The following CCDC88A variants were observed in gnomAD, a reference collection of about 807,000 sequenced individuals.
CCDC88A encodes the protein girdin.
A neutral mutation model predicts 234.3 loss-of-function variants in CCDC88A; 54 were observed. The ratio of observed to expected loss-of-function variants is 0.23; its 90% CI spans 0.19 to 0.29. CCDC88A has a LOEUF of 0.29. Ranked by LOEUF, CCDC88A falls within the 10% of genes least tolerant of loss-of-function variation. The pLI is 1.00. For missense variants in CCDC88A, 1,832 were observed against 2,123.4 expected (o/e 0.86, Z 2.70); for synonymous variants, 753 against 737.8 (o/e 1.02, Z -0.33).
At position 55,295,950 on chromosome 2, in the gene CCDC88A, C is replaced by T; in HGVS notation, c.5198G>A (p.Arg1733Lys). The T allele has an allele frequency of 1.9e-6, 3 of 1,614,054 alleles. No homozygotes were observed. Among genetic ancestry groups the T allele is most frequent in the Non-Finnish European group, 2.5e-6 (3 of 1,179,980 alleles). Reference sequence around the variant, plus strand: ...CCCTGGGGTTTTTCCACTTACTGACCTGGCCAGACCACAGCTAACTGGTTT... The same window carrying T: ...CCCTGGGGTTTTTCCACTTACTGACTTGGCCAGACCACAGCTAACTGGTTT... ...KDKPVSCGLARSVSGKTPGDF... is the reference protein window; with the variant it reads ...KDKPVSCGLAKSVSGKTPGDF... Residue 1733 changes from arginine (R) to lysine (K), a missense_variant, in exon 31 of 33, where the codon AGG becomes AAG. Arg to Lys is a conservative substitution (Grantham distance 26). Coordinates refer to ENST00000436346, the MANE Select transcript of CCDC88A (RefSeq NM_001365480.1).
At chr2:55,330,561 T>C (rs943044112) in intron 16 of CCDC88A, among the ~76,000 whole-genome samples, 2 of 152,146 alleles carry the variant, frequency 1.3e-5, no homozygotes, top group Non-Finnish European at 2.9e-5. Flanking sequence ...GTGGAGGGAA[T>C]GGCACATTAA....
intron 11 of CCDC88A, 93 bp downstream of exon 11, chr2:55,344,275 G>C (rs1668841322): frequency 1.3e-6 from 1 of 799,218 alleles, no homozygotes; most frequent in African/African-American, 1.8e-5. Flanking sequence ...AAGCCTCAAG[G>C]ACACTAGCCA....
rs77124524 is a variant in CCDC88A, at chr2:55,332,835, T to C, written c.2728-142A>G. On this transcript the variant is annotated intron_variant, in intron 15 of 32. Coordinates refer to ENST00000436346, the MANE Select transcript of CCDC88A (RefSeq NM_001365480.1). The surrounding 1 kb of genome is among the most constrained non-coding windows in gnomAD (Gnocchi z 4.5). ...TGTCATTAAACCATTCCTTCATTAT[T>C]AAAATGTAGTTAAAGTTATAACCTA... 32,570 of 734,034 alleles carry C rather than the reference T, an allele frequency of 0.044. 946 individuals carry two copies. Among genetic ancestry groups the C allele is most frequent in the South Asian group, 0.053 (2,518 of 47,634 alleles). 45.5% of individuals were successfully genotyped at this position (734,034 alleles called of 1,614,324 possible).
intron 29 of CCDC88A, among the ~76,000 whole-genome samples, chr2:55,297,438 TCTCA>T (rs1680328495): frequency 8.2e-6 from 1 of 121,944 alleles, no homozygotes; most frequent in Admixed American, 9.9e-5. Context: ...TGAGATGGGG[TCTCA>T]CTGTGTCACC....
intron 3 of CCDC88A, among the ~76,000 whole-genome samples, chr2:55,387,522 C>T (rs866320527): frequency 4.0e-5 from 6 of 151,850 alleles, no homozygotes; most frequent in Non-Finnish European, 8.8e-5. Context: ...GGGCTCATGC[C>T]TGTAATCCCA....
chr2:55,374,942 C>G (rs1673397402), intron 3 of CCDC88A, 59 bp from the exon 4 acceptor site: 1 of 983,352 alleles, frequency 1.0e-6, no homozygotes, highest in Admixed American at 1.8e-5. Flanking sequence ...AATTATTCAT[C>G]AAGCTATAAC....
At chr2:55,301,318 A>T in intron 27 of CCDC88A, 41 bp from the exon 28 acceptor site, 1 of 1,057,850 alleles carries the variant, frequency 9.5e-7, no homozygotes, top group Middle Eastern at 2.9e-4. Flanking sequence ...TATTTTTGTA[A>T]TAAAAAACCA....
At chr2:55,301,483 C>A (rs1680895410) in intron 27 of CCDC88A, 2 of 519,628 alleles carry the variant, frequency 3.8e-6, no homozygotes, top group Non-Finnish European at 6.7e-6. Flanking sequence ...AGGGAAAACA[C>A]CAAAAGCAAT....
At chr2:55,314,919 A>T (rs1447677554) in intron 22 of CCDC88A, 1 of 152,144 alleles carries the variant, frequency 6.6e-6, no homozygotes, top group African/African-American at 2.4e-5. Context: ...AAATCATGTC[A>T]TTATATGACT....
At chr2:55,399,020 T>A (rs193081872) in intron 2 of CCDC88A, among the ~76,000 whole-genome samples, 1 of 152,280 alleles carries the variant, frequency 6.6e-6, no homozygotes, top group East Asian at 1.9e-4. Flanking sequence ...TATATAGTTA[T>A]AATAATGTAA....
intron 29 of CCDC88A, among the ~76,000 whole-genome samples, chr2:55,299,123 G>C (rs966374958): frequency 2.0e-5 from 3 of 150,514 alleles, no homozygotes; most frequent in African/African-American, 7.5e-5. Flanking sequence ...AGAATGGCTT[G>C]AACCTGGGAG....
chr2:55,375,469 C>CTATATATATATATA (rs869279076), intron 3 of CCDC88A, among the ~76,000 whole-genome samples: 9 of 26,588 alleles, frequency 3.4e-4, no homozygotes, highest in Admixed American at 6.8e-4. Context: ...TGTCACTGTA[C>CTATATATATATATA]TATATATATA....
intron 5 of CCDC88A, among the ~76,000 whole-genome samples, chr2:55,365,142 A>G (rs957407286): frequency 1.3e-5 from 2 of 152,194 alleles, no homozygotes; most frequent in Non-Finnish European, 2.9e-5. Flanking sequence ...AGGATAATAA[A>G]ATGGTTAAAA....
At chr2:55,306,531 C>A (rs1253839153) in intron 25 of CCDC88A, among the ~76,000 whole-genome samples, 2 of 151,994 alleles carry the variant, frequency 1.3e-5, no homozygotes, top group African/African-American at 4.8e-5. Context: ...ACGTTGCTTA[C>A]CTATGGATTC....
At chr2:55,292,108 GGAAT>G (rs2104537687) in intron 31 of CCDC88A, 1 of 179,528 alleles carries the variant, frequency 5.6e-6, no homozygotes, top group African/African-American at 2.4e-5. Flanking sequence ...AAAACCATCT[GGAAT>G]GAAGTATTTG....
In CCDC88A at chr2:55,356,090, A is replaced by G. The variant is rs948211244; in HGVS notation, c.628-339T>C. The G allele has an allele frequency of 1.9e-5, 3 of 160,936 alleles. No homozygotes were observed. In the South Asian group the frequency reaches 5.5e-4, roughly 30 times the overall value. 10.0% of individuals were successfully genotyped at this position (160,936 alleles called of 1,614,324 possible). ...GCCATGGTAGTCTGCTGCACCTAAA[A>G]ACCCATCACCTAGGTATTAAGCCCA... On this transcript the variant is annotated intron_variant, in intron 7 of 32. Coordinates refer to ENST00000436346, the MANE Select transcript of CCDC88A (RefSeq NM_001365480.1).
At chr2:55,370,641 CAAAAAAAA>C (rs567431857) in intron 5 of CCDC88A, among the ~76,000 whole-genome samples, 774 of 47,536 alleles carry the variant, frequency 0.016, 7 homozygotes, top group Middle Eastern at 0.033. Context: ...AACTCTGTCT[CAAAAAAAA>C]AAAAAAAAAA....
At chr2:55,386,871 T>A (rs1469743684) in intron 3 of CCDC88A, among the ~76,000 whole-genome samples, 1 of 151,904 alleles carries the variant, frequency 6.6e-6, no homozygotes, top group Non-Finnish European at 1.5e-5. Flanking sequence ...AAGAAAAACA[T>A]GCAGCTTGAG....
intron 3 of CCDC88A, among the ~76,000 whole-genome samples, chr2:55,386,737 G>A (rs1675709074): frequency 6.6e-6 from 1 of 151,764 alleles, no homozygotes; most frequent in Non-Finnish European, 1.5e-5. Flanking sequence ...CTCCCAAAGT[G>A]CTGGGATTAC....
Sources: allele counts gnomAD v4.1 joint callset (sites outside exome capture counted in the v4.1 genomes callset), GRCh38; gene constraint gnomAD v4.1.1; non-coding constraint Gnocchi (gnomAD v3.1); transcripts MANE v1.5; gene names NCBI Gene and HGNC (gene_info 2026-07-23, HGNC 2026-07-21).